The following LINGO2 variants were observed in gnomAD, a reference collection of about 807,000 sequenced individuals.
LINGO2 encodes the protein leucine rich repeat and Ig domain containing 2, also known as leucine-rich repeat and immunoglobulin-like domain-containing nogo receptor-interacting protein 2.
A neutral mutation model predicts 30.6 loss-of-function variants in LINGO2; 14 were observed. The ratio of observed to expected loss-of-function variants is 0.46; its 90% CI spans 0.30 to 0.72. The LOEUF (loss-of-function observed/expected upper bound fraction) is 0.72, where lower values mean the gene tolerates loss of function less well. Ranked by LOEUF, LINGO2 falls within the 30% of genes least tolerant of loss-of-function variation. The pLI is 0.07. For synonymous variants in LINGO2, 317 were observed against 288.5 expected, an observed-to-expected ratio of 1.10 and a Z score of -1.00; for missense variants, 729 against 751.7, an observed-to-expected ratio of 0.97 and a Z score of 0.35.
At chr9:28,516,181 A>G (rs753622579) in intron 1 of LINGO2, among the ~76,000 whole-genome samples, 81 of 152,304 alleles carry the variant, frequency 5.3e-4, no homozygotes, top group Admixed American at 1.2e-3. Flanking sequence ...GGAAACCAAT[A>G]ATTTCATGTG....
At chr9:28,782,443 G>C in the LINGO2 span, among the ~76,000 whole-genome samples, 1 of 152,114 alleles carries the variant, frequency 6.6e-6, no homozygotes, top group Admixed American at 6.5e-5. Flanking sequence ...GCAGTGGATA[G>C]TGTAGTCCCA....
intron 2 of LINGO2, among the ~76,000 whole-genome samples, chr9:28,439,631 C>G (rs1028842127): frequency 2.6e-5 from 4 of 152,070 alleles, no homozygotes; most frequent in African/African-American, 9.7e-5. Flanking sequence ...TCCTCCTGCT[C>G]CAGTCATATA....
chr9:28,361,525 G>A (rs1820444025), intron 3 of LINGO2, among the ~76,000 whole-genome samples: 1 of 151,484 alleles, frequency 6.6e-6, no homozygotes, highest in African/African-American at 2.4e-5. Flanking sequence ...TTATTATATT[G>A]TATTTTTAAA....
chr9:29,036,711 T>C, the LINGO2 span, among the ~76,000 whole-genome samples: 2 of 152,046 alleles, frequency 1.3e-5, no homozygotes, highest in African/African-American at 4.8e-5. Context: ...TATGCCTTTT[T>C]ATTTAAAAGA....
intron 1 of LINGO2, among the ~76,000 whole-genome samples, chr9:28,483,247 A>G (rs959328097): frequency 2.6e-5 from 4 of 152,080 alleles, no homozygotes; most frequent in African/African-American, 7.2e-5. Flanking sequence ...TGATATTCCT[A>G]TCTCCAAAGC....
chr9:28,848,300 C>CTA, the LINGO2 span, among the ~76,000 whole-genome samples: 26 of 94,130 alleles, frequency 2.8e-4, no homozygotes, highest in African/African-American at 1.7e-3. Flanking sequence ...TATATATATA[C>CTA]TATATATACG....
the LINGO2 span, among the ~76,000 whole-genome samples, chr9:29,120,309 T>A: frequency 2.0e-5 from 3 of 152,050 alleles, no homozygotes. Flanking sequence ...CATATACACA[T>A]AAAACCCTTA....
At chr9:28,404,828 AGAG>A (rs1822426827) in intron 2 of LINGO2, among the ~76,000 whole-genome samples, 1 of 152,062 alleles carries the variant, frequency 6.6e-6, no homozygotes, top group South Asian at 2.1e-4. Context: ...AGTGACTTTT[AGAG>A]TAGAAAGTAG....
At chr9:29,200,500 T>C in the LINGO2 span, among the ~76,000 whole-genome samples, 1 of 152,088 alleles carries the variant, frequency 6.6e-6, no homozygotes, top group Non-Finnish European at 1.5e-5. Flanking sequence ...AGTAAAATAT[T>C]GTTTGTTTTA....
At chr9:29,194,552 T>C in the LINGO2 span, among the ~76,000 whole-genome samples, 1 of 152,146 alleles carries the variant, frequency 6.6e-6, no homozygotes, top group Non-Finnish European at 1.5e-5. Context: ...CTTTGTCCTT[T>C]GATTTTTTAA....
intron 2 of LINGO2, among the ~76,000 whole-genome samples, chr9:28,473,475 C>T (rs1825609321): frequency 6.6e-6 from 1 of 151,876 alleles, no homozygotes; most frequent in African/African-American, 2.4e-5. Flanking sequence ...ACTACTGTCT[C>T]TATTCCCACT....
At chr9:28,538,148 T>A (rs1162439192) in intron 1 of LINGO2, among the ~76,000 whole-genome samples, 1 of 151,952 alleles carries the variant, frequency 6.6e-6, no homozygotes, top group Non-Finnish European at 1.5e-5. Context: ...ACTCACAGAT[T>A]TCACTGAAAG....
intron 4 of LINGO2, among the ~76,000 whole-genome samples, chr9:28,277,712 G>C (rs906842508): frequency 2.0e-5 from 3 of 151,992 alleles, no homozygotes; most frequent in Non-Finnish European, 4.4e-5. Context: ...GGGAGGCTAA[G>C]GCAGGAGACT....
the LINGO2 span, among the ~76,000 whole-genome samples, chr9:28,990,288 A>C: frequency 2.0e-5 from 3 of 152,192 alleles, no homozygotes; most frequent in East Asian, 3.9e-4. Context: ...GCAAGGCAGC[A>C]GCAAGGCTGG....
the LINGO2 span, among the ~76,000 whole-genome samples, chr9:28,858,619 T>C: frequency 6.6e-6 from 1 of 151,982 alleles, no homozygotes; most frequent in Non-Finnish European, 1.5e-5. Context: ...GATCACTGGA[T>C]CAGGATAATG....
chr9:28,804,302 G>A, the LINGO2 span, among the ~76,000 whole-genome samples: 3 of 152,174 alleles, frequency 2.0e-5, no homozygotes, highest in South Asian at 4.1e-4. Context: ...ATAAGTTGAT[G>A]TCCATCGAAA....
the LINGO2 span, among the ~76,000 whole-genome samples, chr9:29,009,275 T>C: frequency 7.2e-5 from 11 of 152,192 alleles, no homozygotes; most frequent in Non-Finnish European, 1.6e-4. Context: ...GATTGTATAT[T>C]TAGAGAACCC....
chr9:28,219,578 A>G (rs1041951065), intron 4 of LINGO2, among the ~76,000 whole-genome samples: 2 of 152,182 alleles, frequency 1.3e-5, no homozygotes, highest in Non-Finnish European at 2.9e-5. Flanking sequence ...ATCTTTTATC[A>G]AGATTATATT....
intron 1 of LINGO2, among the ~76,000 whole-genome samples, chr9:28,620,848 G>T (rs1310220221): frequency 6.6e-6 from 1 of 152,012 alleles, no homozygotes; most frequent in Non-Finnish European, 1.5e-5. Context: ...TGGGAAGAGG[G>T]AGAGGATCAG....
Sources: allele counts gnomAD v4.1 joint callset (sites outside exome capture counted in the v4.1 genomes callset), GRCh38; gene constraint gnomAD v4.1.1; transcripts MANE v1.5; gene names NCBI Gene and HGNC (gene_info 2026-07-23, HGNC 2026-07-21).